Variants in PCDH15 observed in about 807,000 individuals in gnomAD.
PCDH15 encodes protocadherin-15.
PCDH15 carries 129 observed loss-of-function variants against 178.5 expected under a neutral mutation model. That is an observed-to-expected ratio of 0.72 (90% confidence interval 0.63 to 0.84). The LOEUF (loss-of-function observed/expected upper bound fraction) is 0.84, where lower values mean the gene tolerates loss of function less well. Ranked by LOEUF, PCDH15 falls within the 40% of genes least tolerant of loss-of-function variation. PCDH15 has a pLI of 0.00. For synonymous variants in PCDH15, 800 were observed against 732.0 expected, an observed-to-expected ratio of 1.09 and a Z score of -1.50; for missense variants, 2,230 against 2,099.9, an observed-to-expected ratio of 1.06 and a Z score of -1.21.
intron 2 of PCDH15, among the ~76,000 whole-genome samples, chr10:55,375,698 G>T (rs970343828): frequency 6.6e-6 from 1 of 151,984 alleles, no homozygotes; most frequent in Non-Finnish European, 1.5e-5. Flanking sequence ...AAAGACAAAA[G>T]CTTTTTGTTA....
chr10:54,555,598 G>A (rs917076017), intron 2 of PCDH15, among the ~76,000 whole-genome samples: 1 of 151,360 alleles, frequency 6.6e-6, no homozygotes, highest in African/African-American at 2.4e-5. Context: ...TTGGCCGGGT[G>A]TGGTGGCAGG....
At chr10:53,819,304 T>C (rs1223664624) in intron 33 of PCDH15, among the ~76,000 whole-genome samples, 8 of 152,034 alleles carry the variant, frequency 5.3e-5, no homozygotes, top group Non-Finnish European at 1.5e-5. Flanking sequence ...TCCATCAATG[T>C]GAAAAATAAA....
rs752683048 is a variant in PCDH15, at chr10:54,327,729, GCTAT to G, written c.705+1863_705+1866del. Among the ~76,000 whole-genome samples the G allele has an allele frequency of 1.3e-3, 195 of 151,940 alleles. 1 individual carries two copies. The highest frequency in any genetic ancestry group is 3.4e-3 in the Middle Eastern group (1 of 294). The stretch of plus-strand genomic sequence containing the variant: ...GGTTATTTTCCTTTTAGCATCCCCT[GCTAT>G]CTATCTGTTCTGCTGTATGAGCAAG... On this transcript the variant is annotated intron_variant, in intron 7 of 37. Coordinates refer to ENST00000644397, the MANE Select transcript of PCDH15 (RefSeq NM_001384140.1).
At chr10:54,846,146 A>G (rs1393180695) in intron 3 of PCDH15, among the ~76,000 whole-genome samples, 2 of 152,138 alleles carry the variant, frequency 1.3e-5, no homozygotes, top group Non-Finnish European at 2.9e-5. Context: ...CTGCTATGTA[A>G]CTGCATCACT....
At chr10:55,152,389 A>T (rs1196185327) in intron 2 of PCDH15, among the ~76,000 whole-genome samples, 2 of 152,158 alleles carry the variant, frequency 1.3e-5, no homozygotes, top group African/African-American at 4.8e-5. Flanking sequence ...AGTTTTGAAA[A>T]TTTGAATAAG....
intron 1 of PCDH15, among the ~76,000 whole-genome samples, chr10:55,209,468 G>A (rs1462424503): frequency 2.6e-5 from 4 of 152,064 alleles, no homozygotes. Context: ...CTATGGTAAA[G>A]GACGATGTGA....
chr10:54,327,738 C>T (rs1394632718), intron 7 of PCDH15, among the ~76,000 whole-genome samples: 3 of 152,004 alleles, frequency 2.0e-5, no homozygotes, highest in African/African-American at 7.2e-5. Flanking sequence ...TGCTATCTAT[C>T]TGTTCTGCTG....
At chr10:54,743,652 G>C (rs1402968117) in intron 1 of PCDH15, among the ~76,000 whole-genome samples, 3 of 151,886 alleles carry the variant, frequency 2.0e-5, no homozygotes, top group African/African-American at 7.3e-5. Flanking sequence ...AAAAAAGAGA[G>C]CCAGAGATGA....
At chr10:54,190,014 ATTTCTTTTCC>A (rs894127542) in intron 11 of PCDH15, among the ~76,000 whole-genome samples, 10 of 150,964 alleles carry the variant, frequency 6.6e-5, no homozygotes, top group Non-Finnish European at 1.5e-4. Context: ...TGGTGCAAAT[ATTTCTTTTCC>A]TTTCTTTTCA....
intron 2 of PCDH15, among the ~76,000 whole-genome samples, chr10:55,558,235 C>T (rs759940730): frequency 2.9e-4 from 44 of 152,252 alleles, no homozygotes; most frequent in Non-Finnish European, 5.6e-4. Flanking sequence ...GAAACAAACG[C>T]TGGACACCTC....
intron 2 of PCDH15, among the ~76,000 whole-genome samples, chr10:55,054,405 A>G (rs1376629431): frequency 4.6e-5 from 7 of 151,886 alleles, no homozygotes; most frequent in African/African-American, 1.7e-4. Flanking sequence ...TATGTACCAT[A>G]TTTTCTTTTT....
intron 25 of PCDH15, among the ~76,000 whole-genome samples, chr10:53,930,061 A>G (rs1371644634): frequency 6.6e-6 from 1 of 152,194 alleles, no homozygotes; most frequent in Non-Finnish European, 1.5e-5. Context: ...ACCAAGTAAC[A>G]TTATATCCTA....
intron 1 of PCDH15, among the ~76,000 whole-genome samples, chr10:54,788,845 G>A (rs969726276): frequency 6.6e-6 from 1 of 151,708 alleles, no homozygotes; most frequent in Non-Finnish European, 1.5e-5. Context: ...TTGCAGTAGA[G>A]AAAGTGGAAT....
intron 1 of PCDH15, among the ~76,000 whole-genome samples, chr10:55,302,504 G>GT (rs1041300173): frequency 1.3e-5 from 2 of 152,032 alleles, no homozygotes; most frequent in African/African-American, 4.8e-5. Context: ...AAGGAAAACC[G>GT]TATTTTGCAC....
At chr10:54,050,079 T>C (rs2093735584) in intron 18 of PCDH15, among the ~76,000 whole-genome samples, 1 of 152,084 alleles carries the variant, frequency 6.6e-6, no homozygotes, top group Non-Finnish European at 1.5e-5. Context: ...CCTCACAGAG[T>C]GCGTTAGGGT....
chr10:55,414,612 A>G (rs1838428928), intron 2 of PCDH15, among the ~76,000 whole-genome samples: 1 of 151,616 alleles, frequency 6.6e-6, no homozygotes, highest in South Asian at 2.1e-4. Context: ...TGTTAAATGT[A>G]TTAATAAATA....
intron 9 of PCDH15, among the ~76,000 whole-genome samples, chr10:54,219,084 T>C: frequency 1.2e-5 from 1 of 82,916 alleles, no homozygotes; most frequent in African/African-American, 5.2e-5. Flanking sequence ...AAACCCTGTC[T>C]CTACTAAAAA....
chr10:53,997,742 A>G (rs1911413), intron 20 of PCDH15, among the ~76,000 whole-genome samples: 35,039 of 152,082 alleles, frequency 0.23, 4,334 homozygotes, highest in East Asian at 0.45. Flanking sequence ...GTGATTCACA[A>G]ACTGATTAGA....
chr10:54,605,398 G>C (rs992373125), intron 2 of PCDH15, among the ~76,000 whole-genome samples: 1 of 151,738 alleles, frequency 6.6e-6, no homozygotes, highest in South Asian at 2.1e-4. Context: ...AATTTTCTGG[G>C]TATACTGTTT....
Sources: gnomAD v4.1 joint callset for allele counts (sites outside exome capture counted in the v4.1 genomes callset) on GRCh38, gnomAD v4.1.1 for gene constraint, MANE v1.5 for transcripts, NCBI Gene and HGNC (gene_info 2026-07-23, HGNC 2026-07-21) for gene names.